Variants in PTPRN2 observed in about 807,000 individuals in gnomAD.
PTPRN2 encodes the protein receptor-type tyrosine-protein phosphatase N2.
A neutral mutation model predicts 118.8 loss-of-function variants in PTPRN2; 74 were observed. That is an observed-to-expected ratio of 0.62 (90% CI 0.52 to 0.76). The LOEUF (loss-of-function observed/expected upper bound fraction) is 0.76, where lower values mean the gene tolerates loss of function less well. Ranked by LOEUF, PTPRN2 falls within the 30% of genes least tolerant of loss-of-function variation. PTPRN2 has a pLI of 0.00. For missense variants in PTPRN2, 1,481 were observed against 1,394.4 expected, an observed-to-expected ratio of 1.06 and a Z score of -0.99; for synonymous variants, 641 against 608.0, an observed-to-expected ratio of 1.05 and a Z score of -0.80.
At chr7:158,312,240 A>C (rs1427805176) in intron 3 of PTPRN2, among the ~76,000 whole-genome samples, 3 of 108,702 alleles carry the variant, frequency 2.8e-5, no homozygotes, top group African/African-American at 9.1e-5. Flanking sequence ...ACACACATGC[A>C]CACACACCTG....
At position 157,785,389 on chromosome 7, in the gene PTPRN2, C is replaced by T. The variant is rs561037121; in HGVS notation, c.1789-102452G>A. Reference sequence around the variant, plus strand: ...ACCACGGTGCTCCAAAACGAAATCGCCCCCGAGGATGAAAGGGGGTGGTGG... The same window carrying T: ...ACCACGGTGCTCCAAAACGAAATCGTCCCCGAGGATGAAAGGGGGTGGTGG... On this transcript the variant is annotated intron_variant, in intron 12 of 22. Coordinates refer to ENST00000389418, the MANE Select transcript of PTPRN2 (RefSeq NM_002847.5). This position sits in a 1 kb window ranked among gnomAD's most constrained non-coding sequence, Gnocchi z 7.3. 7.2e-5 allele frequency among the ~76,000 whole-genome samples: 11 copies of T among 152,292 alleles called. No homozygotes were observed. Among genetic ancestry groups the T allele is most frequent in the Admixed American group, 1.3e-4 (2 of 15,310 alleles).
intron 3 of PTPRN2, among the ~76,000 whole-genome samples, chr7:158,227,134 GAGA>G (rs1828847422): frequency 6.6e-6 from 1 of 152,188 alleles, no homozygotes; most frequent in Non-Finnish European, 1.5e-5. Flanking sequence ...GGTCAGTTGG[GAGA>G]AGGTGTGAGA....
At chr7:158,369,973 G>GT (rs1809834666) in intron 2 of PTPRN2, among the ~76,000 whole-genome samples, 1 of 152,202 alleles carries the variant, frequency 6.6e-6, no homozygotes, top group African/African-American at 2.4e-5. Context: ...AGGAGGCCCA[G>GT]TCAGAAACAC....
chr7:158,045,692 G>A (rs577970440), intron 11 of PTPRN2, among the ~76,000 whole-genome samples: 1 of 152,370 alleles, frequency 6.6e-6, no homozygotes, highest in East Asian at 1.9e-4. Flanking sequence ...AGACCCAGGA[G>A]CAGAACCTGT....
intron 12 of PTPRN2, among the ~76,000 whole-genome samples, chr7:157,876,524 G>T (rs1795776651): frequency 6.6e-6 from 1 of 152,174 alleles, no homozygotes; most frequent in Non-Finnish European, 1.5e-5. Context: ...TCCTTGGCAG[G>T]TCCTCTCATG....
chr7:157,797,087 A>C (rs868782487), intron 12 of PTPRN2, among the ~76,000 whole-genome samples: 1 of 152,210 alleles, frequency 6.6e-6, no homozygotes, highest in Non-Finnish European at 1.5e-5. Context: ...CCGGGGATTC[A>C]ACTGCACCGA....
At chr7:158,321,581 C>T (rs1340109475) in intron 2 of PTPRN2, among the ~76,000 whole-genome samples, 2 of 152,226 alleles carry the variant, frequency 1.3e-5, no homozygotes, top group African/African-American at 4.8e-5. Flanking sequence ...AGCCCATCCA[C>T]GAGACTTTCA....
rs575571806 is a variant in PTPRN2 at position 157,991,195 on chromosome 7, G to A, written c.1723+90103C>T. Among the ~76,000 whole-genome samples, 19 of 152,318 alleles carry A rather than the reference G, an allele frequency of 1.2e-4. No homozygotes were observed. In the East Asian group the frequency reaches 3.1e-3, roughly 25 times the overall value. On this transcript the variant is annotated intron_variant, in intron 11 of 22. Coordinates refer to ENST00000389418, the MANE Select transcript of PTPRN2 (RefSeq NM_002847.5). The stretch of plus-strand genomic sequence containing the variant: ...ACAGGGCAACAGGCTGGGGCATGAC[G>A]GGCTCTGCTGTTTCTCAGTCTCCCT...
chr7:157,831,985 G>A lies in PTPRN2; in HGVS notation c.1788+66688C>T, dbSNP rs1807599707. Among the ~76,000 whole-genome samples the A allele has an allele frequency of 6.6e-6, 1 of 152,212 alleles. No individual in the cohort carries two copies. The highest frequency in any genetic ancestry group is 1.5e-5 in the Non-Finnish European group (1 of 68,034). ...TTGCTTCGTCTGCATGAGGAGTGACGGCTGGGCTGCTGATGGCCCTGAGGG... is the reference window on the plus strand; with the variant it reads ...TTGCTTCGTCTGCATGAGGAGTGACAGCTGGGCTGCTGATGGCCCTGAGGG... On this transcript the variant is annotated intron_variant, in intron 12 of 22. Transcript: ENST00000389418. The surrounding 1 kb of genome is among the most constrained non-coding windows in gnomAD (Gnocchi z 4.8).
chr7:158,334,985 T>A (rs868645959), intron 2 of PTPRN2, among the ~76,000 whole-genome samples: 35 of 2,596 alleles, frequency 0.013, 4 homozygotes, highest in East Asian at 0.024. Flanking sequence ...TGACACCTGC[T>A]GACGTCACTC....
intron 3 of PTPRN2, among the ~76,000 whole-genome samples, chr7:158,299,481 A>G (rs1281438116): frequency 6.6e-6 from 1 of 152,060 alleles, no homozygotes; most frequent in East Asian, 1.9e-4. Context: ...TATTTTTAGT[A>G]GAGATGGGGT....
chr7:157,990,306 C>G lies in PTPRN2; in HGVS notation c.1723+90992G>C, dbSNP rs1030201593. 6.6e-6 allele frequency among the ~76,000 whole-genome samples: 1 copy of G among 152,044 alleles called. No individual in the cohort carries two copies. The highest frequency in any genetic ancestry group is 1.5e-5 in the Non-Finnish European group (1 of 68,018). On this transcript the variant is annotated intron_variant, in intron 11 of 22. Transcript: ENST00000389418. The surrounding 1 kb of genome is among the most constrained non-coding windows in gnomAD (Gnocchi z 4.3). ...GTAGCGACACAGCTTCCCAAGCAGG[C>G]GAGTGACCTGGAGCACAGAGGGGAG...
intron 3 of PTPRN2, among the ~76,000 whole-genome samples, chr7:158,312,664 TGC>T (rs1178456924): frequency 7.5e-5 from 11 of 145,934 alleles, no homozygotes; most frequent in East Asian, 2.2e-4. Context: ...CATGCATGTG[TGC>T]CTGCCTGCAC....
At chr7:158,428,916 C>T (rs992465276) in intron 2 of PTPRN2, among the ~76,000 whole-genome samples, 1 of 152,218 alleles carries the variant, frequency 6.6e-6, no homozygotes, top group African/African-American at 2.4e-5. Flanking sequence ...CCCAGCTGCA[C>T]CCTGGTGCCG....
intron 12 of PTPRN2, among the ~76,000 whole-genome samples, chr7:157,875,208 A>T (rs1009829892): frequency 6.6e-6 from 1 of 151,810 alleles, no homozygotes; most frequent in African/African-American, 2.4e-5. Flanking sequence ...ATTTTGCTGC[A>T]AAGTTTTCCT....
intron 12 of PTPRN2, among the ~76,000 whole-genome samples, chr7:157,747,889 T>G (rs1242537877): frequency 7.5e-6 from 1 of 133,620 alleles, no homozygotes; most frequent in Admixed American, 7.5e-5. Flanking sequence ...GGTGTCCGGG[T>G]GATTCTGAGG....
Position 158,565,047 on chromosome 7 carries a change from G to A in PTPRN2, c.112+22511C>T, listed in dbSNP as rs962804133. Among the ~76,000 whole-genome samples the A allele has an allele frequency of 1.2e-4, 19 of 152,180 alleles. No individual in the cohort carries two copies. The highest frequency in any genetic ancestry group is 1.2e-3 in the Admixed American group (19 of 15,278). ...TAAAAAGTCATCCCAGCCATGCATG[G>A]ACCCAGGGATGCTGACACCATTCAG... On this transcript the variant is annotated intron_variant, in intron 1 of 22. Coordinates refer to ENST00000389418, the MANE Select transcript of PTPRN2 (RefSeq NM_002847.5). This position sits in a 1 kb window ranked among gnomAD's most constrained non-coding sequence, Gnocchi z 4.6.
chr7:157,541,048 T>C (rs934924161), intron 22 of PTPRN2, among the ~76,000 whole-genome samples: 1 of 152,368 alleles, frequency 6.6e-6, no homozygotes, highest in Non-Finnish European at 1.5e-5. Context: ...AAGCCTCATC[T>C]TTCCCCCTGC....
At chr7:158,230,294 A>G (rs534404465) in intron 3 of PTPRN2, among the ~76,000 whole-genome samples, 1 of 152,376 alleles carries the variant, frequency 6.6e-6, no homozygotes, top group African/African-American at 2.4e-5. Flanking sequence ...AGTAACATGC[A>G]AAAAGAAAAT....
Sources: allele counts gnomAD v4.1 joint callset (sites outside exome capture counted in the v4.1 genomes callset), GRCh38; gene constraint gnomAD v4.1.1; non-coding constraint Gnocchi (gnomAD v3.1); transcripts MANE v1.5; gene names NCBI Gene and HGNC (gene_info 2026-07-23, HGNC 2026-07-21).